The following HERC3 variants were observed in gnomAD, a reference collection of about 807,000 sequenced individuals.
HERC3 encodes HECT and RLD domain containing E3 ubiquitin protein ligase 3, also known as probable E3 ubiquitin-protein ligase HERC3.
A neutral mutation model predicts 129.9 loss-of-function variants in HERC3; 58 were observed. The ratio of observed to expected loss-of-function variants is 0.45; its 90% CI spans 0.36 to 0.56. HERC3 has a LOEUF of 0.56. Ranked by LOEUF, HERC3 falls within the 20% of genes least tolerant of loss-of-function variation. The probability of loss-of-function intolerance (pLI) is 0.00; values close to 1 mark genes in which losing one functional copy is unlikely to be tolerated. For synonymous variants in HERC3, 430 were observed against 451.0 expected (o/e 0.95, Z 0.59); for missense variants, 835 against 1,244.2 (o/e 0.67, Z 4.95).
rs140250914 is a variant in HERC3 at position 88,692,992 on chromosome 4, TA to T, written c.2657+5695del. Reference sequence around the variant, plus strand: ...AGCAAAATTGTAATAGTTAAAAACATAACTAATATACATATGGAATGGAATG... The same window carrying T: ...AGCAAAATTGTAATAGTTAAAAACATACTAATATACATATGGAATGGAATG... On this transcript the variant is annotated intron_variant, in intron 23 of 25. Transcript: ENST00000402738. The T allele has an allele frequency of 4.0e-3, 3,873 of 979,058 alleles. 95 individuals carry two copies. In the African/African-American group the frequency reaches 0.061, roughly 15 times the overall value. The allele number at this position is 979,058 out of a possible 1,614,324, so 60.6% of individuals were successfully genotyped here.
At chr4:88,603,475 G>A (rs1723250143) in intron 2 of HERC3, among the ~76,000 whole-genome samples, 1 of 152,094 alleles carries the variant, frequency 6.6e-6, no homozygotes, top group African/African-American at 2.4e-5. Flanking sequence ...CCAAAGTGCT[G>A]GGATTACAGG....
intron 9 of HERC3, chr4:88,657,555 C>T (rs1287307060): frequency 1.3e-5 from 2 of 152,144 alleles, no homozygotes; most frequent in Non-Finnish European, 2.9e-5. Context: ...TATTTCAAAA[C>T]CACAAATTTT....
At chr4:88,655,367 G>A in intron 8 of HERC3, 63 bp downstream of exon 8, 1 of 1,577,506 alleles carries the variant, frequency 6.3e-7, no homozygotes, top group Non-Finnish European at 8.7e-7. Context: ...TATCTTTGTA[G>A]TGATGAAGAA....
chr4:88,542,832 GA>G, the HERC3 span, among the ~76,000 whole-genome samples: 1 of 152,038 alleles, frequency 6.6e-6, no homozygotes, highest in Non-Finnish European at 1.5e-5. Context: ...ACAAACGACA[GA>G]AACCACACAA....
At chr4:88,696,210 C>T (rs1460378661) in intron 23 of HERC3, 1 of 152,618 alleles carries the variant, frequency 6.6e-6, no homozygotes, top group Non-Finnish European at 1.5e-5. Context: ...GGTAGGGGCA[C>T]ACACTTGGAT....
rs373062335 is a variant in HERC3, at chr4:88,604,751, T to C, written c.-29-1044T>C. 1.6e-4 allele frequency among the ~76,000 whole-genome samples: 24 copies of C among 152,356 alleles called. No individual in the cohort carries two copies. In the South Asian group the frequency reaches 3.7e-3, roughly 24 times the overall value. On this transcript the variant is annotated intron_variant, in intron 2 of 25. Coordinates refer to ENST00000402738, the MANE Select transcript of HERC3 (RefSeq NM_014606.3). Reference sequence around the variant, plus strand: ...TTTATAAGTTTTTGTGTGGACGTAGTCTTGCAGTTCTCTTGGGTTTATAAC... The same window carrying C: ...TTTATAAGTTTTTGTGTGGACGTAGCCTTGCAGTTCTCTTGGGTTTATAAC...
At chr4:88,568,186 T>C in the HERC3 span, among the ~76,000 whole-genome samples, 10 of 152,216 alleles carry the variant, frequency 6.6e-5, no homozygotes, top group Non-Finnish European at 1.3e-4. Context: ...GACATAAAAC[T>C]TCATAGTGTG....
the HERC3 span, among the ~76,000 whole-genome samples, chr4:88,576,877 C>T: frequency 6.6e-6 from 1 of 152,142 alleles, no homozygotes; most frequent in Non-Finnish European, 1.5e-5. Flanking sequence ...ACTCCTTCCC[C>T]TCCACAAAAT....
At chr4:88,584,454 A>G in the HERC3 span, among the ~76,000 whole-genome samples, 3 of 152,204 alleles carry the variant, frequency 2.0e-5, no homozygotes, top group African/African-American at 7.2e-5. Context: ...CTATGCTGAC[A>G]GTTATGTACC....
rs1301539997 is a variant in HERC3 at position 88,652,990 on chromosome 4, G to T, written c.585G>T (p.Val195=). Residue 195 remains valine (V), a synonymous_variant, in exon 6 of 26, where the codon GTG becomes GTT. Coordinates refer to ENST00000402738, the MANE Select transcript of HERC3 (RefSeq NM_014606.3). ...TGGAGGGGATCCCACTGGCTCAGGT[G>T]GCTGCCGGAGGGGCTCACAGCTTTG... ...RSLEGIPLAQ[V]AAGGAHSFAL... 6.2e-7 allele frequency: 1 copy of T among 1,614,114 alleles called. No homozygotes were observed. The highest frequency in any genetic ancestry group is 8.5e-7 in the Non-Finnish European group (1 of 1,180,048).
the HERC3 span, among the ~76,000 whole-genome samples, chr4:88,558,791 G>A: frequency 3.3e-5 from 5 of 150,084 alleles, no homozygotes; most frequent in African/African-American, 4.9e-5. Context: ...GTGAAACCCC[G>A]TCTCTACTAG....
At chr4:88,687,381 CT>C (rs1733593948) in intron 23 of HERC3, 82 bp downstream of exon 23, 2 of 820,394 alleles carry the variant, frequency 2.4e-6, no homozygotes, top group Non-Finnish European at 3.8e-6. Context: ...ATAAAAATTA[CT>C]TTTTAATATT....
chr4:88,628,817 G>A (rs754370687), intron 3 of HERC3, among the ~76,000 whole-genome samples: 7 of 152,164 alleles, frequency 4.6e-5, no homozygotes, highest in Non-Finnish European at 8.8e-5. Context: ...TTGAATGAAT[G>A]TGGTCTGAAT....
chr4:88,609,261 C>G (rs1450998818), intron 3 of HERC3, among the ~76,000 whole-genome samples: 1 of 151,876 alleles, frequency 6.6e-6, no homozygotes, highest in Non-Finnish European at 1.5e-5. Flanking sequence ...CCAGCCTGGG[C>G]AACAGAGCAA....
the HERC3 span, among the ~76,000 whole-genome samples, chr4:88,537,448 ATT>A: frequency 6.6e-6 from 1 of 152,158 alleles, no homozygotes; most frequent in Non-Finnish European, 1.5e-5. Context: ...TAAGTTACAC[ATT>A]TTTTGCCAGG....
intron 9 of HERC3, among the ~76,000 whole-genome samples, chr4:88,658,051 C>T (rs1730107574): frequency 6.6e-6 from 1 of 152,162 alleles, no homozygotes; most frequent in Non-Finnish European, 1.5e-5. Context: ...TTCGTCCTGA[C>T]GGGGCCTGGG....
intron 23 of HERC3, chr4:88,697,532 T>C (rs1734745174): frequency 6.2e-7 from 1 of 1,614,042 alleles, no homozygotes; most frequent in Admixed American, 1.7e-5. Context: ...TTCACCGAAT[T>C]AGGCAGGCTC....
Position 88,707,505 on chromosome 4 carries a change from A to G in HERC3, c.*545A>G, listed in dbSNP as rs978303430. On this transcript the variant is annotated 3_prime_UTR_variant, in exon 26 of 26. Coordinates refer to ENST00000402738, the MANE Select transcript of HERC3 (RefSeq NM_014606.3). ...GAAAGGACTGCTTCAGAAACTCCCAATTCCAAAAAGCTGAGTCTGGGTCCA... is the reference window on the plus strand; with the variant it reads ...GAAAGGACTGCTTCAGAAACTCCCAGTTCCAAAAAGCTGAGTCTGGGTCCA... 1 of 152,676 alleles carries G rather than the reference A, an allele frequency of 6.5e-6. No homozygotes were observed. The highest frequency in any genetic ancestry group is 2.4e-5 in the African/African-American group (1 of 41,422). The allele number at this position is 152,676 out of a possible 1,614,324, so 9.5% of individuals were successfully genotyped here. A position where few individuals can be genotyped will look rare whatever the true frequency, so the allele number is the denominator to read the frequency against.
Position 88,686,811 on chromosome 4 carries a change from T to C in HERC3, c.2574+9T>C, listed in dbSNP as rs1250261996. 6.3e-7 allele frequency: 1 copy of C among 1,594,568 alleles called. No individual in the cohort carries two copies. The highest frequency in any genetic ancestry group is 1.7e-5 in the Admixed American group (1 of 59,960). ...TCTGCCTCAACTTCACGGTAAGAAT[T>C]TCCACAGTTTACTTAGGATTGTGGC... is the stretch of plus-strand genomic sequence containing the variant. On this transcript the variant is annotated intron_variant, in intron 22 of 25. Transcript: ENST00000402738.
Sources: gnomAD v4.1 joint callset for allele counts (sites outside exome capture counted in the v4.1 genomes callset) on GRCh38, gnomAD v4.1.1 for gene constraint, MANE v1.5 for transcripts, NCBI Gene and HGNC (gene_info 2026-07-23, HGNC 2026-07-21) for gene names.